RNPS1: variants seen among roughly 807,000 people sequenced by gnomAD.
RNPS1 encodes RNA-binding protein with serine-rich domain 1.
For synonymous variants in RNPS1, 147 were observed against 150.0 expected, an observed-to-expected ratio of 0.98 and a Z score of 0.15; for missense variants, 300 against 427.6, an observed-to-expected ratio of 0.70 and a Z score of 2.63.
chr16:2,253,985 G>A lies in RNPS1; in HGVS notation c.897C>T (p.Ser299=), dbSNP rs2093564278. 6.5e-7 allele frequency: 1 copy of A among 1,549,540 alleles called. No homozygotes were observed. Among genetic ancestry groups the A allele is most frequent in the Non-Finnish European group, 8.7e-7 (1 of 1,145,648 alleles). Residue 299 remains serine, a synonymous_variant, in exon 8 of 8, where the codon TCC becomes TCT. Coordinates refer to ENST00000320225, the MANE Select transcript of RNPS1 (RefSeq NM_080594.4). ...SPGRRRHRSR[S]SSNSSR ...CTGTTTATCGGGAGGAGTTGGAGCTGGAGCGGCTCCTGTGGCGGCGGCGGC... is the reference window on the plus strand; with the variant it reads ...CTGTTTATCGGGAGGAGTTGGAGCTAGAGCGGCTCCTGTGGCGGCGGCGGC...
intron 6 of RNPS1, chr16:2,255,945 G>A (rs892787099): frequency 1.8e-6 from 1 of 543,462 alleles, no homozygotes; most frequent in Non-Finnish European, 3.3e-6. Flanking sequence ...GGCTAACATG[G>A]TGAAAATGTC....
chr16:2,255,856 G>T (rs2141538277), intron 6 of RNPS1, 130 bp from the exon 7 acceptor site: 1 of 1,017,074 alleles, frequency 9.8e-7, no homozygotes, highest in Non-Finnish European at 1.5e-6. Context: ...GGCCGGGCAT[G>T]GTGGCTCACT....
chr16:2,267,209 C>CT, intron 1 of RNPS1: 1 of 985,440 alleles, frequency 1.0e-6, no homozygotes, highest in Non-Finnish European at 1.2e-6. Flanking sequence ...CCTCGGTTAC[C>CT]TCCCCCATCC....
At chr16:2,265,970 C>CA (rs2093623562) in intron 1 of RNPS1, 1 of 342,250 alleles carries the variant, frequency 2.9e-6, no homozygotes, top group Non-Finnish European at 4.1e-6. Context: ...ACAAATTACT[C>CA]AAAAACAAAT....
intron 7 of RNPS1, 110 bp from the exon 8 acceptor site, chr16:2,254,173 G>T: frequency 1.3e-6 from 1 of 784,180 alleles, no homozygotes; most frequent in Non-Finnish European, 1.9e-6. Flanking sequence ...ATATCACTCT[G>T]TCTCCAGGCC....
At chr16:2,267,495 G>A (rs1281230229) in intron 1 of RNPS1, 8 of 1,005,090 alleles carry the variant, frequency 8.0e-6, no homozygotes, top group African/African-American at 1.7e-5. Flanking sequence ...GCCTAGCGCC[G>A]ATAATTGCAC....
rs953194432 is a variant in RNPS1, at chr16:2,267,500, T to C, written c.-118+555A>G. ...TATCCCCACGGCCTAGCGCCGATAA[T>C]TGCACACGGGAGTCCGGGAAACGTT... On this transcript the variant is annotated intron_variant, in intron 1 of 7. Transcript: ENST00000320225. 3.0e-6 allele frequency: 3 copies of C among 1,007,846 alleles called. No individual in the cohort carries two copies. In the African/African-American group the frequency reaches 5.2e-5, roughly 18 times the overall value. The allele number at this position is 1,007,846 out of a possible 1,614,324, so 62.4% of individuals were successfully genotyped here.
intron 5 of RNPS1, 96 bp downstream of exon 5, chr16:2,262,644 C>A: frequency 8.6e-7 from 1 of 1,156,446 alleles, no homozygotes; most frequent in South Asian, 1.3e-5. Flanking sequence ...ATGCCACCAC[C>A]CCAGTCCTCC....
chr16:2,267,887 C>T, intron 1 of RNPS1, 168 bp downstream of exon 1: 1 of 1,516,154 alleles, frequency 6.6e-7, no homozygotes, highest in East Asian at 2.5e-5. Flanking sequence ...CGACACCTCC[C>T]ACTCCGCCCG....
intron 1 of RNPS1, 115 bp from the exon 2 acceptor site, chr16:2,264,875 A>T: frequency 1.3e-6 from 1 of 789,304 alleles, no homozygotes; most frequent in Non-Finnish European, 1.9e-6. Context: ...GTAAGCAATA[A>T]GTGTCCACAC....
chr16:2,260,223 T>C (rs913890995), intron 6 of RNPS1, among the ~76,000 whole-genome samples: 14 of 147,468 alleles, frequency 9.5e-5, no homozygotes, highest in African/African-American at 3.3e-4. Flanking sequence ...TGGCGTAATC[T>C]TGGCTCGCTG....
chr16:2,254,740 CTTTTTTTTT>C (rs11315814), intron 7 of RNPS1, among the ~76,000 whole-genome samples: 1 of 103,592 alleles, frequency 9.7e-6, no homozygotes, highest in Non-Finnish European at 2.0e-5. Context: ...AAAGTTTTAC[CTTTTTTTTT>C]TTTTTTTTTT....
chr16:2,265,442 C>T (rs1246829544), intron 1 of RNPS1: 1 of 151,346 alleles, frequency 6.6e-6, no homozygotes, highest in Non-Finnish European at 1.5e-5. Flanking sequence ...ATACACCATA[C>T]AGCAAATATA....
At chr16:2,260,199 A>G (rs1166390193) in intron 6 of RNPS1, among the ~76,000 whole-genome samples, 1 of 113,834 alleles carries the variant, frequency 8.8e-6, no homozygotes, top group Non-Finnish European at 1.7e-5. Flanking sequence ...TTTGTTGCCC[A>G]GGCTGGAGTG....
chr16:2,263,371 C>A lies in RNPS1; in HGVS notation c.228-84G>T, dbSNP rs186658563. On this transcript the variant is annotated intron_variant, in intron 3 of 7. Coordinates refer to ENST00000320225, the MANE Select transcript of RNPS1 (RefSeq NM_080594.4). The stretch of plus-strand genomic sequence containing the variant: ...TCCTCCAATTCTGTTGTGCTCCCCC[C>A]AGGAGAAACCTGCTGTTCGGGTGCC... 902 of 1,378,288 alleles carry A rather than the reference C, an allele frequency of 6.5e-4. 12 individuals carry two copies. The African/African-American group carries it at 0.012, about 18-fold the overall frequency. The allele number at this position is 1,378,288 out of a possible 1,614,324, so 85.4% of individuals were successfully genotyped here.
chr16:2,254,092 G>T, intron 7 of RNPS1, 29 bp from the exon 8 acceptor site: 2 of 1,435,354 alleles, frequency 1.4e-6, no homozygotes, highest in Non-Finnish European at 9.2e-7. Context: ...CCACATCAGA[G>T]TAGCTCAGGC....
Position 2,253,647 on chromosome 16 carries a change from C to A in RNPS1, c.*317G>T. ...CATCGGGGAAGGGAAAAGTGTGCTC[C>A]CAGGTAAGCAGGGTCAAACCACCCC... On this transcript the variant is annotated 3_prime_UTR_variant, in exon 8 of 8. Transcript: ENST00000320225. 2.0e-6 allele frequency: 1 copy of A among 490,504 alleles called. No individual in the cohort carries two copies. The highest frequency in any genetic ancestry group is 3.7e-6 in the Non-Finnish European group (1 of 270,048). The allele number at this position is 490,504 out of a possible 1,614,324, so 30.4% of individuals were successfully genotyped here.
At chr16:2,264,864 G>A (rs1343213850) in intron 1 of RNPS1, 104 bp from the exon 2 acceptor site, 33 of 921,986 alleles carry the variant, frequency 3.6e-5, no homozygotes, top group Admixed American at 6.4e-5. Context: ...AAGGGAGCAC[G>A]GTAAGCAATA....
At chr16:2,264,023 G>C (rs2093614518) in intron 3 of RNPS1, 153 bp downstream of exon 3, 9 of 903,602 alleles carry the variant, frequency 1.0e-5, no homozygotes, top group Non-Finnish European at 1.5e-5. Context: ...AGCCACCACT[G>C]CACCTAGCCA....
Sources: gnomAD v4.1 joint callset for allele counts (sites outside exome capture counted in the v4.1 genomes callset) on GRCh38, gnomAD v4.1.1 for gene constraint, MANE v1.5 for transcripts, NCBI Gene and HGNC (gene_info 2026-07-23, HGNC 2026-07-21) for gene names.